ADAMTS16: variants seen among roughly 807,000 people sequenced by gnomAD.
The protein encoded by ADAMTS16 is A disintegrin and metalloproteinase with thrombospondin motifs 16.
A neutral mutation model predicts 145.8 loss-of-function variants in ADAMTS16; 94 were observed. That is an observed-to-expected ratio of 0.64 (90% CI 0.55 to 0.77). ADAMTS16 has a LOEUF of 0.77. Ranked by LOEUF, ADAMTS16 falls within the 30% of genes least tolerant of loss-of-function variation. ADAMTS16 has a pLI of 0.00. For synonymous variants in ADAMTS16, 659 were observed against 604.3 expected (o/e 1.09, Z -1.33); for missense variants, 1,585 against 1,591.5 (o/e 1.00, Z 0.07).
intron 3 of ADAMTS16, among the ~76,000 whole-genome samples, chr5:5,158,742 T>C (rs1269996137): frequency 1.3e-5 from 2 of 152,244 alleles, no homozygotes; most frequent in Non-Finnish European, 2.9e-5. Context: ...CATGATATGA[T>C]GTAATTTATA....
At chr5:5,311,811 G>C (rs1339608154) in intron 21 of ADAMTS16, among the ~76,000 whole-genome samples, 1 of 151,434 alleles carries the variant, frequency 6.6e-6, no homozygotes, top group East Asian at 1.9e-4. Flanking sequence ...CCGCCTCCCG[G>C]GTTCAAGCCA....
intron 3 of ADAMTS16, among the ~76,000 whole-genome samples, chr5:5,146,791 CT>C (rs1270531418): frequency 2.6e-5 from 4 of 152,292 alleles, no homozygotes; most frequent in Non-Finnish European, 5.9e-5. Flanking sequence ...CAGCTTCTAA[CT>C]GACAGAAACT....
chr5:5,192,716 T>C (rs1339610551), intron 8 of ADAMTS16, among the ~76,000 whole-genome samples: 2 of 152,226 alleles, frequency 1.3e-5, no homozygotes, highest in Admixed American at 6.5e-5. Flanking sequence ...TCACCTTACA[T>C]GAAATGCTTA....
intron 3 of ADAMTS16, among the ~76,000 whole-genome samples, chr5:5,175,437 T>C (rs1040112142): frequency 6.6e-6 from 1 of 152,178 alleles, no homozygotes; most frequent in African/African-American, 2.4e-5. Flanking sequence ...GAGAGGAGTC[T>C]GTCTCAGAGT....
chr5:5,278,296 G>C (rs1054814280), intron 18 of ADAMTS16, among the ~76,000 whole-genome samples: 1 of 152,122 alleles, frequency 6.6e-6, no homozygotes, highest in East Asian at 1.9e-4. Context: ...CATGATAGCC[G>C]GTTTCTATTT....
intron 9 of ADAMTS16, among the ~76,000 whole-genome samples, chr5:5,206,914 G>A (rs1224574801): frequency 6.6e-6 from 1 of 152,064 alleles, no homozygotes; most frequent in Non-Finnish European, 1.5e-5. Flanking sequence ...TGGATTATTG[G>A]CCTTTCTATA....
chr5:5,269,171 C>T lies in ADAMTS16; in HGVS notation c.2789+6388C>T, dbSNP rs375514503. 7.9e-5 allele frequency among the ~76,000 whole-genome samples: 12 copies of T among 152,194 alleles called. No individual in the cohort carries two copies. Among genetic ancestry groups the T allele is most frequent in the South Asian group, 4.2e-4 (2 of 4,816 alleles). On this transcript the variant is annotated intron_variant, in intron 18 of 22. Transcript: ENST00000274181. This position sits in a 1 kb window ranked among gnomAD's most constrained non-coding sequence, Gnocchi z 4.3. ...CTCACTGCATGGCTGATCGTCCCAC[C>T]GCTCACTGCCCAGGACCCCGGAGCC...
intron 18 of ADAMTS16, among the ~76,000 whole-genome samples, chr5:5,291,108 T>C (rs1015144398): frequency 3.3e-5 from 5 of 152,142 alleles, no homozygotes; most frequent in Admixed American, 3.3e-4. Context: ...CATAGTTCCA[T>C]GTGATGACCA....
At chr5:5,173,508 C>T (rs890565601) in intron 3 of ADAMTS16, among the ~76,000 whole-genome samples, 17 of 151,626 alleles carry the variant, frequency 1.1e-4, no homozygotes, top group African/African-American at 3.4e-4. Context: ...GAGTCTCACT[C>T]TGTCCCCCAG....
At chr5:5,232,966 A>G (rs985205858) in intron 12 of ADAMTS16, among the ~76,000 whole-genome samples, 2 of 152,084 alleles carry the variant, frequency 1.3e-5, no homozygotes, top group African/African-American at 4.8e-5. Flanking sequence ...TAGGAAAGGT[A>G]TTTCACTCAA....
chr5:5,251,695 A>C (rs1737627202), intron 17 of ADAMTS16, among the ~76,000 whole-genome samples: 1 of 152,174 alleles, frequency 6.6e-6, no homozygotes, highest in African/African-American at 2.4e-5. Context: ...TCACTGTTTC[A>C]GAAATCTTGT....
At chr5:5,140,895 A>C in intron 2 of ADAMTS16, 129 bp downstream of exon 2, 1 of 908,716 alleles carries the variant, frequency 1.1e-6, no homozygotes, top group Non-Finnish European at 1.5e-6. Flanking sequence ...GCTGTTGTGA[A>C]CTTTTTTTTT....
chr5:5,303,137 G>A, intron 18 of ADAMTS16, 131 bp from the exon 19 acceptor site: 1 of 972,754 alleles, frequency 1.0e-6, no homozygotes. Flanking sequence ...CAGGAAAGGT[G>A]GAACTGAAAA....
intron 17 of ADAMTS16, among the ~76,000 whole-genome samples, chr5:5,246,291 T>C (rs1737437020): frequency 6.6e-6 from 1 of 152,206 alleles, no homozygotes; most frequent in Non-Finnish European, 1.5e-5. Flanking sequence ...ATGATGTGTT[T>C]TTATTCAAAT....
At chr5:5,215,722 T>TAG (rs1210256456) in intron 10 of ADAMTS16, among the ~76,000 whole-genome samples, 1 of 146,476 alleles carries the variant, frequency 6.8e-6, no homozygotes, top group Non-Finnish European at 1.5e-5. Context: ...ATGTGGTATA[T>TAG]ATATATGTGG....
At chr5:5,280,493 T>TAG (rs1738861556) in intron 18 of ADAMTS16, among the ~76,000 whole-genome samples, 1 of 152,222 alleles carries the variant, frequency 6.6e-6, no homozygotes, top group Non-Finnish European at 1.5e-5. Flanking sequence ...CATGTGTGCC[T>TAG]AGTACTCTGA....
At chr5:5,239,559 G>A (rs1256726556) in intron 15 of ADAMTS16, 122 bp from the exon 16 acceptor site, 8 of 1,407,762 alleles carry the variant, frequency 5.7e-6, no homozygotes, top group East Asian at 2.3e-5. Flanking sequence ...ACCAGAACAC[G>A]TCTTCACCCA....
At chr5:5,188,501 A>G (rs1170613862) in intron 6 of ADAMTS16, among the ~76,000 whole-genome samples, 2 of 152,098 alleles carry the variant, frequency 1.3e-5, no homozygotes, top group East Asian at 3.9e-4. Context: ...TAGGCACAAA[A>G]TGTTCTCATT....
chr5:5,245,938 T>C lies in ADAMTS16; in HGVS notation c.2662+3747T>C, dbSNP rs530710897. On this transcript the variant is annotated intron_variant, in intron 17 of 22. Coordinates refer to ENST00000274181, the MANE Select transcript of ADAMTS16 (RefSeq NM_139056.4). ...CGTCATGCTCTAACTGGACTCTCAG[T>C]GAGCATCTGGGGCATTGGTAATGGG... Among the ~76,000 whole-genome samples, 3 of 152,304 alleles carry C rather than the reference T, an allele frequency of 2.0e-5. 1 individual carries two copies. The East Asian group carries it at 5.8e-4, about 29-fold the overall frequency.
Sources: allele counts gnomAD v4.1 joint callset (sites outside exome capture counted in the v4.1 genomes callset), GRCh38; gene constraint gnomAD v4.1.1; non-coding constraint Gnocchi (gnomAD v3.1); transcripts MANE v1.5; gene names NCBI Gene and HGNC (gene_info 2026-07-23, HGNC 2026-07-21).